The following DLG2 variants were observed in gnomAD, a reference collection of about 807,000 sequenced individuals.
DLG2 encodes the protein disks large homolog 2.
Under a neutral mutation model 132.5 loss-of-function variants are expected in DLG2, and 45 were observed. The ratio of observed to expected loss-of-function variants is 0.34; its 90% confidence interval spans 0.27 to 0.44. The LOEUF is 0.44. Ranked by LOEUF, DLG2 falls within the 20% of genes least tolerant of loss-of-function variation. The probability of loss-of-function intolerance (pLI) is 1.00; values close to 1 mark genes in which losing one functional copy is unlikely to be tolerated. For missense variants in DLG2, 1,045 were observed against 1,196.9 expected (o/e 0.87, Z 1.87); for synonymous variants, 424 against 419.6 (o/e 1.01, Z -0.13).
chr11:84,775,197 C>T (rs904017749), intron 6 of DLG2, among the ~76,000 whole-genome samples: 7 of 152,018 alleles, frequency 4.6e-5, no homozygotes, highest in South Asian at 2.1e-4. Context: ...CTAATCACCA[C>T]GAAAATGCAC....
chr11:85,116,774 A>G (rs749234885), intron 5 of DLG2, among the ~76,000 whole-genome samples: 3 of 152,016 alleles, frequency 2.0e-5, no homozygotes, highest in Non-Finnish European at 4.4e-5. Context: ...GCAATATTCA[A>G]ATAAATTACC....
chr11:83,677,009 C>T (rs991234259), intron 18 of DLG2, among the ~76,000 whole-genome samples: 1 of 152,164 alleles, frequency 6.6e-6, no homozygotes, highest in African/African-American at 2.4e-5. Context: ...GACTAGAACA[C>T]ATGGCTTTCC....
intron 7 of DLG2, among the ~76,000 whole-genome samples, chr11:84,451,584 GTAA>G (rs1390156600): frequency 2.0e-5 from 3 of 151,738 alleles, no homozygotes; most frequent in African/African-American, 7.3e-5. Flanking sequence ...ATGTGATAAA[GTAA>G]TCCCTCCTCC....
chr11:84,123,391 C>T (rs2094015468), intron 9 of DLG2, among the ~76,000 whole-genome samples: 1 of 152,154 alleles, frequency 6.6e-6, no homozygotes, highest in Non-Finnish European at 1.5e-5. Context: ...AAGTCAAAGC[C>T]AAGTCTATGC....
At chr11:83,709,310 T>C (rs909582127) in intron 18 of DLG2, among the ~76,000 whole-genome samples, 1 of 148,214 alleles carries the variant, frequency 6.7e-6, no homozygotes, top group Non-Finnish European at 1.5e-5. Context: ...TATACGTATA[T>C]ATGTATAAAG....
chr11:85,121,119 T>C (rs772883911), intron 5 of DLG2, among the ~76,000 whole-genome samples: 1 of 152,024 alleles, frequency 6.6e-6, no homozygotes, highest in African/African-American at 2.4e-5. Flanking sequence ...TGATACACTT[T>C]GTTCTCTGAA....
chr11:83,971,002 C>T (rs2091231256), intron 12 of DLG2, among the ~76,000 whole-genome samples: 1 of 152,132 alleles, frequency 6.6e-6, no homozygotes, highest in Non-Finnish European at 1.5e-5. Flanking sequence ...TATGTGTGTG[C>T]ATTATCCTAT....
intron 3 of DLG2, among the ~76,000 whole-genome samples, chr11:85,400,162 C>T (rs1371180284): frequency 6.6e-6 from 1 of 152,100 alleles, no homozygotes; most frequent in Non-Finnish European, 1.5e-5. Context: ...ATTTATGCAG[C>T]CAAAAGACAC....
intron 16 of DLG2, among the ~76,000 whole-genome samples, chr11:83,834,336 C>T (rs530924782): frequency 1.3e-5 from 2 of 152,066 alleles, no homozygotes; most frequent in African/African-American, 2.4e-5. Context: ...CAGATATGAT[C>T]GGAGGTGGGA....
At chr11:84,874,013 AAC>A (rs1266239622) in intron 6 of DLG2, among the ~76,000 whole-genome samples, 1 of 152,170 alleles carries the variant, frequency 6.6e-6, no homozygotes, top group African/African-American at 2.4e-5. Context: ...CACAAGGAAA[AAC>A]ACAGAGATTA....
chr11:85,293,778 A>G (rs1003756010), intron 3 of DLG2, among the ~76,000 whole-genome samples: 2 of 152,216 alleles, frequency 1.3e-5, no homozygotes, highest in South Asian at 2.1e-4. Context: ...TGGACTGCTC[A>G]TTAGATAATA....
intron 6 of DLG2, among the ~76,000 whole-genome samples, chr11:84,618,168 G>A (rs1420768149): frequency 6.6e-6 from 1 of 152,016 alleles, no homozygotes; most frequent in Non-Finnish European, 1.5e-5. Context: ...GAGCATATAG[G>A]TTCATATGAG....
chr11:84,316,801 G>A (rs774599011), intron 7 of DLG2: 68 of 1,576,758 alleles, frequency 4.3e-5, no homozygotes, highest in Non-Finnish European at 5.4e-5. Context: ...ACACTCAAGG[G>A]AAAGTCATAA....
At chr11:85,536,654 G>C (rs76173711) in intron 3 of DLG2, among the ~76,000 whole-genome samples, 1 of 152,126 alleles carries the variant, frequency 6.6e-6, no homozygotes, top group African/African-American at 2.4e-5. Context: ...GGCTGCGTGC[G>C]GTGCTCACAG....
chr11:85,310,582 G>A (rs2080253760), intron 3 of DLG2, among the ~76,000 whole-genome samples: 1 of 152,202 alleles, frequency 6.6e-6, no homozygotes, highest in East Asian at 1.9e-4. Flanking sequence ...AACTGCTAAG[G>A]GGAAGAAAAA....
At position 84,304,347 on chromosome 11, in the gene DLG2, A is replaced by G. The variant is rs568940125; in HGVS notation, c.520-53056T>C. Among the ~76,000 whole-genome samples, 6 of 152,330 alleles carry G rather than the reference A, an allele frequency of 3.9e-5. No homozygotes were observed. In the South Asian group the frequency reaches 1.0e-3, roughly 26 times the overall value. ...AACCGCGATGTAAGGCAATACTCTA[A>G]TTTTGCAGGATCGCATGTTAAATAG... is the stretch of plus-strand genomic sequence containing the variant. On this transcript the variant is annotated intron_variant, in intron 7 of 27. Coordinates refer to ENST00000376104, the MANE Select transcript of DLG2 (RefSeq NM_001142699.3).
intron 6 of DLG2, among the ~76,000 whole-genome samples, chr11:85,081,187 T>C (rs2154171737): frequency 6.6e-6 from 1 of 152,294 alleles, no homozygotes; most frequent in East Asian, 1.9e-4. Context: ...AGCCCATTTA[T>C]ATAACCTGAA....
At chr11:84,664,172 T>A (rs1458382740) in intron 6 of DLG2, among the ~76,000 whole-genome samples, 1 of 152,180 alleles carries the variant, frequency 6.6e-6, no homozygotes, top group Non-Finnish European at 1.5e-5. Context: ...GATAAACTAA[T>A]GAAAAATAAT....
chr11:85,559,385 G>C (rs1175330161), intron 3 of DLG2, among the ~76,000 whole-genome samples: 1 of 151,012 alleles, frequency 6.6e-6, no homozygotes, highest in African/African-American at 2.4e-5. Flanking sequence ...TCTTGACCTC[G>C]TGATCTGCCC....
Sources: allele counts gnomAD v4.1 joint callset (sites outside exome capture counted in the v4.1 genomes callset), GRCh38; gene constraint gnomAD v4.1.1; transcripts MANE v1.5; gene names NCBI Gene and HGNC (gene_info 2026-07-23, HGNC 2026-07-21).